The following IGF1R variants were observed in gnomAD, a reference collection of about 807,000 sequenced individuals.
IGF1R encodes insulin-like growth factor 1 receptor.
In IGF1R, 44 loss-of-function variants were observed where a neutral mutation model predicts 144.6. That is an observed-to-expected ratio of 0.30 (90% CI 0.24 to 0.39). The LOEUF is 0.39. Ranked by LOEUF, IGF1R falls within the 10% of genes least tolerant of loss-of-function variation. The pLI, the probability that IGF1R is intolerant of heterozygous loss-of-function variation, is 1.00. For missense variants in IGF1R, 1,355 were observed against 1,833.7 expected, an observed-to-expected ratio of 0.74 and a Z score of 4.77; for synonymous variants, 795 against 722.8, an observed-to-expected ratio of 1.10 and a Z score of -1.60.
At position 98,939,251 on chromosome 15, in the gene IGF1R, C is replaced by A. The variant is rs529800854; in HGVS notation, c.3348C>A (p.Ala1116=). The A allele has an allele frequency of 6.2e-7, 1 of 1,613,818 alleles. No homozygotes were observed. The highest frequency in any genetic ancestry group is 8.5e-7 in the Non-Finnish European group (1 of 1,179,758). The change falls in exon 18 of 21, where the codon GCC becomes GCA. Residue 1116 remains alanine (A), a synonymous_variant. Transcript: ENST00000650285. The part of the protein sequence containing the change: ...PPSLSKMIQM[A]GEIADGMAYL... ...GCCTGAGCAAGATGATTCAGATGGC[C>A]GGAGAGATTGCAGACGGCATGGCAT...
chr15:98,792,021 G>T (rs1205461651), intron 2 of IGF1R, among the ~76,000 whole-genome samples: 1 of 152,138 alleles, frequency 6.6e-6, no homozygotes, highest in African/African-American at 2.4e-5. Flanking sequence ...AATTCTCCCT[G>T]TTTGTGGGGC....
intron 1 of IGF1R, among the ~76,000 whole-genome samples, chr15:98,685,690 AAGATGG>A (rs1158317721): frequency 7.2e-5 from 11 of 152,184 alleles, no homozygotes; most frequent in African/African-American, 2.4e-4. Context: ...ATAATTGTTG[AAGATGG>A]AACAGGAGTG....
At chr15:98,813,252 C>T (rs1003906335) in intron 2 of IGF1R, among the ~76,000 whole-genome samples, 1 of 152,068 alleles carries the variant, frequency 6.6e-6, no homozygotes, top group East Asian at 1.9e-4. Context: ...GCAAAATAAC[C>T]AATCCAAAGG....
chr15:98,938,589 A>G (rs2016245810), intron 17 of IGF1R, among the ~76,000 whole-genome samples: 1 of 152,214 alleles, frequency 6.6e-6, no homozygotes, highest in African/African-American at 2.4e-5. Flanking sequence ...TTCAGTTGCC[A>G]AGGACTTGTC....
chr15:98,714,193 A>G (rs1310613876), intron 2 of IGF1R, among the ~76,000 whole-genome samples: 1 of 151,610 alleles, frequency 6.6e-6, no homozygotes, highest in Non-Finnish European at 1.5e-5. Context: ...AAAAGTCTAC[A>G]TTTTTCCACC....
chr15:98,811,858 G>C (rs935609356), intron 2 of IGF1R, among the ~76,000 whole-genome samples: 15 of 151,726 alleles, frequency 9.9e-5, no homozygotes, highest in African/African-American at 3.4e-4. Context: ...CCCGGGAGGC[G>C]GAGCTTGCAG....
intron 2 of IGF1R, among the ~76,000 whole-genome samples, chr15:98,717,061 A>G (rs2054134984): frequency 6.6e-6 from 1 of 151,974 alleles, no homozygotes; most frequent in Non-Finnish European, 1.5e-5. Flanking sequence ...TGGCATATTA[A>G]CAGCGAGATC....
chr15:98,897,184 G>A (rs527291957), intron 4 of IGF1R: 22 of 457,998 alleles, frequency 4.8e-5, no homozygotes, highest in African/African-American at 3.4e-4. Flanking sequence ...GGAGAGGCAA[G>A]CCCTGACACA....
At chr15:98,744,726 T>C (rs1276789836) in intron 2 of IGF1R, among the ~76,000 whole-genome samples, 1 of 150,822 alleles carries the variant, frequency 6.6e-6, no homozygotes, top group African/African-American at 2.4e-5. Flanking sequence ...GAAGGACAGA[T>C]GGCCCCTTAA....
intron 1 of IGF1R, among the ~76,000 whole-genome samples, chr15:98,702,549 A>G (rs12914295): frequency 0.65 from 98,952 of 151,802 alleles, 32,558 homozygotes; most frequent in South Asian, 0.71. Flanking sequence ...TGGGGTTTCA[A>G]ACTCTTGGCC....
intron 2 of IGF1R, among the ~76,000 whole-genome samples, chr15:98,798,636 C>G (rs1567134318): frequency 6.6e-6 from 1 of 152,088 alleles, no homozygotes; most frequent in African/African-American, 2.4e-5. Context: ...ACCAGCAAGA[C>G]TGTCTGGTGC....
At chr15:98,691,372 T>G (rs1236471608) in intron 1 of IGF1R, among the ~76,000 whole-genome samples, 2 of 151,054 alleles carry the variant, frequency 1.3e-5, no homozygotes, top group Non-Finnish European at 3.0e-5. Context: ...TTTTTGTTTT[T>G]TTTTTTTTTT....
intron 2 of IGF1R, among the ~76,000 whole-genome samples, chr15:98,823,955 A>G (rs529514855): frequency 6.6e-6 from 1 of 152,336 alleles, no homozygotes; most frequent in South Asian, 2.1e-4. Flanking sequence ...AAGCAACATT[A>G]TTTTTGGAAT....
chr15:98,699,294 G>C (rs538439309), intron 1 of IGF1R, among the ~76,000 whole-genome samples: 264 of 152,294 alleles, frequency 1.7e-3, no homozygotes, highest in African/African-American at 6.0e-3. Flanking sequence ...GCTGCCCCTC[G>C]GAAGGCCTCA....
chr15:98,726,767 TG>T (rs1458385589), intron 2 of IGF1R, among the ~76,000 whole-genome samples: 2 of 147,116 alleles, frequency 1.4e-5, no homozygotes, highest in African/African-American at 5.0e-5. Flanking sequence ...TCACCCCGGC[TG>T]GAGTGCAATG....
chr15:98,770,257 C>T (rs534756457), intron 2 of IGF1R, among the ~76,000 whole-genome samples: 3 of 152,264 alleles, frequency 2.0e-5, no homozygotes, highest in South Asian at 2.1e-4. Context: ...ACAGATATTG[C>T]GTGTTCTCAC....
Position 98,961,195 on chromosome 15 carries a change from C to A in IGF1R, c.*3753C>A. 4.3e-6 allele frequency: 1 copy of A among 233,622 alleles called. No homozygotes were observed. Among genetic ancestry groups the A allele is most frequent in the Non-Finnish European group, 8.5e-6 (1 of 117,990 alleles). 14.5% of individuals were successfully genotyped at this position (233,622 alleles called of 1,614,324 possible). A position where few individuals can be genotyped will look rare whatever the true frequency, so the allele number is the denominator to read the frequency against. ...TTTTGTTCTTCCACACTGTAGGTGA[C>A]CCCTTGGAATAACGGCCTCTCCTCT... On this transcript the variant is annotated 3_prime_UTR_variant, in exon 21 of 21. Coordinates refer to ENST00000650285, the MANE Select transcript of IGF1R (RefSeq NM_000875.5).
chr15:98,806,805 T>C (rs914988678), intron 2 of IGF1R, among the ~76,000 whole-genome samples: 1 of 152,150 alleles, frequency 6.6e-6, no homozygotes, highest in Admixed American at 6.5e-5. Context: ...CCATAAAACA[T>C]TGATGTGAGA....
intron 1 of IGF1R, among the ~76,000 whole-genome samples, chr15:98,706,255 G>A (rs185386832): frequency 6.6e-6 from 1 of 152,218 alleles, no homozygotes; most frequent in Non-Finnish European, 1.5e-5. Context: ...TACATGTTGG[G>A]TGCTTCCCAA....
Sources: allele counts gnomAD v4.1 joint callset (sites outside exome capture counted in the v4.1 genomes callset), GRCh38; gene constraint gnomAD v4.1.1; transcripts MANE v1.5; gene names NCBI Gene and HGNC (gene_info 2026-07-23, HGNC 2026-07-21).